ZNF710: variants seen among roughly 807,000 people sequenced by gnomAD.
The protein encoded by ZNF710 is zinc finger protein 710.
ZNF710 carries 13 observed loss-of-function variants against 50.6 expected under a neutral mutation model. The observed-to-expected ratio is 0.26, with a 90% CI of 0.17 to 0.41. ZNF710 has a LOEUF of 0.41. ZNF710 is among the 10% of genes least tolerant of loss of function. ZNF710 has a pLI of 1.00. For synonymous variants in ZNF710, 383 were observed against 397.0 expected, an observed-to-expected ratio of 0.96 and a Z score of 0.42; for missense variants, 721 against 936.6, an observed-to-expected ratio of 0.77 and a Z score of 3.01.
At chr15:90,041,433 C>T (rs1899291499) in intron 1 of ZNF710, among the ~76,000 whole-genome samples, 1 of 152,150 alleles carries the variant, frequency 6.6e-6, no homozygotes, top group African/African-American at 2.4e-5. Context: ...TCAAGCGATC[C>T]TCCTCCCTTG....
intron 1 of ZNF710, among the ~76,000 whole-genome samples, chr15:90,033,996 G>A (rs1352526591): frequency 1.3e-5 from 2 of 152,142 alleles, no homozygotes; most frequent in East Asian, 3.9e-4. Context: ...GAGGTCAGGA[G>A]TTCAAGACCA....
intron 1 of ZNF710, among the ~76,000 whole-genome samples, chr15:90,015,214 G>C (rs1898419737): frequency 6.6e-6 from 1 of 152,104 alleles, no homozygotes; most frequent in Non-Finnish European, 1.5e-5. Context: ...TTTAAAGCAG[G>C]CTAAAAACAC....
At chr15:90,008,455 T>TATATATACACACATATATATATACAC (rs1898210339) in intron 1 of ZNF710, among the ~76,000 whole-genome samples, 1 of 130,726 alleles carries the variant, frequency 7.6e-6, no homozygotes, top group African/African-American at 3.2e-5. Context: ...TATATATATG[T>TATATATACACACATATATATATACAC]ATATATATAT....
At chr15:90,011,156 C>T (rs746264650) in intron 1 of ZNF710, among the ~76,000 whole-genome samples, 3 of 152,156 alleles carry the variant, frequency 2.0e-5, no homozygotes. Flanking sequence ...TCTTGAACTC[C>T]TGACCTCACG....
At chr15:90,031,432 C>CCT (rs1451001339) in intron 1 of ZNF710, among the ~76,000 whole-genome samples, 3 of 152,172 alleles carry the variant, frequency 2.0e-5, no homozygotes, top group Non-Finnish European at 2.9e-5. Context: ...CCGGGTGATT[C>CCT]CTCAGCACAT....
At chr15:90,053,494 C>T (rs1423840050) in intron 1 of ZNF710, among the ~76,000 whole-genome samples, 4 of 152,184 alleles carry the variant, frequency 2.6e-5, no homozygotes, top group South Asian at 2.1e-4. Context: ...ACTACAGGCA[C>T]GTGCCATCAT....
At chr15:90,077,272 C>G (rs1177875943) in intron 4 of ZNF710, among the ~76,000 whole-genome samples, 1 of 108,614 alleles carries the variant, frequency 9.2e-6, no homozygotes, top group Middle Eastern at 0.011. Flanking sequence ...GAGACGGAGT[C>G]TTGCTCTTTC....
intron 1 of ZNF710, among the ~76,000 whole-genome samples, chr15:90,039,735 C>T (rs915982472): frequency 9.9e-5 from 15 of 152,160 alleles, no homozygotes; most frequent in Non-Finnish European, 1.0e-4. Flanking sequence ...ATCATAGCCT[C>T]CAGCAGCGAG....
intron 1 of ZNF710, among the ~76,000 whole-genome samples, chr15:90,057,144 G>A (rs1899845029): frequency 6.6e-6 from 1 of 152,168 alleles, no homozygotes; most frequent in Non-Finnish European, 1.5e-5. Flanking sequence ...GCTTAATGCA[G>A]AGCCATGTTT....
At chr15:90,074,596 GCT>G (rs1900529413) in intron 4 of ZNF710, 1 of 1,162,396 alleles carries the variant, frequency 8.6e-7, no homozygotes, top group Admixed American at 2.6e-5. Context: ...AGCGAGGTTG[GCT>G]CTGTCATTGT....
Position 90,068,498 on chromosome 15 carries a change from T to C in ZNF710, c.1361T>C (p.Met454Thr), listed in dbSNP as rs758560068. The change falls in exon 2 of 5, where the codon ATG becomes ACG. Residue 454 changes from methionine to threonine, a missense_variant. Around this residue, in one of 3 missense-constraint regions of ZNF710, gnomAD observed 326 missense variants for 522.0 expected, o/e 0.62. Coordinates refer to ENST00000268154, the MANE Select transcript of ZNF710 (RefSeq NM_198526.4). This position sits in a 1 kb window ranked among gnomAD's most constrained non-coding sequence, Gnocchi z 5.0. ...TACCGCAGCCAGTTGCAGAACCACA[T>C]GCTCAAGCACCAGAACGTGCGACCC... The part of the protein sequence containing the change: ...FHYRSQLQNH[M>T]LKHQNVRPFV... 6.2e-6 allele frequency: 10 copies of C among 1,613,788 alleles called. No homozygotes were observed. Among genetic ancestry groups the C allele is most frequent in the African/African-American group, 1.3e-5 (1 of 74,928 alleles).
At chr15:90,046,373 G>C (rs576592127) in intron 1 of ZNF710, among the ~76,000 whole-genome samples, 13 of 152,348 alleles carry the variant, frequency 8.5e-5, no homozygotes, top group Non-Finnish European at 1.8e-4. Flanking sequence ...TCACAGCCAA[G>C]TGCTGTGTAA....
upstream of ZNF710, among the ~76,000 whole-genome samples, chr15:90,000,367 C>G (rs1897982394): frequency 6.6e-6 from 1 of 152,138 alleles, no homozygotes; most frequent in Admixed American, 6.5e-5. Flanking sequence ...TGCGCCGGAG[C>G]TGGAGGGCGG....
rs1403569959 is a variant in ZNF710 at position 90,059,717 on chromosome 15, C to T, written c.-28-7393C>T. Among the ~76,000 whole-genome samples, 1 of 152,228 alleles carries T rather than the reference C, an allele frequency of 6.6e-6. No homozygotes were observed. The highest frequency in any genetic ancestry group is 1.9e-4 in the East Asian group (1 of 5,188). On this transcript the variant is annotated intron_variant, in intron 1 of 4. Transcript: ENST00000268154. The surrounding 1 kb of genome is among the most constrained non-coding windows in gnomAD (Gnocchi z 4.1). Reference sequence around the variant, plus strand: ...AGAAGTGAGACTGTGGCAAGGGGCCCCGAGGCACAGGCCTTCCAGCTCTCG... The same window carrying T: ...AGAAGTGAGACTGTGGCAAGGGGCCTCGAGGCACAGGCCTTCCAGCTCTCG...
chr15:90,001,825 C>G (rs1289723478), intron 1 of ZNF710, among the ~76,000 whole-genome samples: 8 of 134,604 alleles, frequency 5.9e-5, no homozygotes, highest in African/African-American at 1.9e-4. Flanking sequence ...TCCCTCATGC[C>G]GGAGAGCTGG....
At chr15:90,072,058 C>T (rs992334834) in intron 2 of ZNF710, among the ~76,000 whole-genome samples, 2 of 152,172 alleles carry the variant, frequency 1.3e-5, no homozygotes, top group East Asian at 3.8e-4. Context: ...CTTGCCTCAG[C>T]CTCCCAAAAT....
chr15:90,018,701 A>G (rs1299529374), intron 1 of ZNF710, among the ~76,000 whole-genome samples: 1 of 152,196 alleles, frequency 6.6e-6, no homozygotes, highest in African/African-American at 2.4e-5. Flanking sequence ...AAGGGCCCAC[A>G]CAGGAAAGCT....
At chr15:90,071,969 C>T (rs537137014) in intron 2 of ZNF710, among the ~76,000 whole-genome samples, 21 of 152,084 alleles carry the variant, frequency 1.4e-4, no homozygotes, top group East Asian at 1.4e-3. Flanking sequence ...CCACCGTGCC[C>T]GGCCTTTTTC....
intron 2 of ZNF710, among the ~76,000 whole-genome samples, chr15:90,069,491 A>G (rs1175095548): frequency 6.6e-6 from 1 of 151,926 alleles, no homozygotes; most frequent in Non-Finnish European, 1.5e-5. Flanking sequence ...TACCCTCCCT[A>G]TTTTCTAGAT....
Sources: allele counts gnomAD v4.1 joint callset (sites outside exome capture counted in the v4.1 genomes callset), GRCh38; gene constraint gnomAD v4.1.1; regional missense constraint gnomAD v4.1.1; non-coding constraint Gnocchi (gnomAD v3.1); transcripts MANE v1.5; gene names NCBI Gene and HGNC (gene_info 2026-07-23, HGNC 2026-07-21).